The following CHCHD3 variants were observed in gnomAD, a reference collection of about 807,000 sequenced individuals.
CHCHD3 encodes coiled-coil-helix-coiled-coil-helix domain containing 3.
A neutral mutation model predicts 38.2 loss-of-function variants in CHCHD3; 20 were observed. The ratio of observed to expected loss-of-function variants is 0.52; its 90% CI spans 0.37 to 0.76. The LOEUF is 0.76. Among genes scored for constraint, CHCHD3 ranks in the 30% least tolerant of loss-of-function variants. The pLI is 0.00. For synonymous variants in CHCHD3, 82 were observed against 100.0 expected (o/e 0.82, Z 1.07); for missense variants, 245 against 279.2 (o/e 0.88, Z 0.87).
intron 6 of CHCHD3, among the ~76,000 whole-genome samples, chr7:132,811,457 A>G (rs895420823): frequency 2.0e-5 from 3 of 152,248 alleles, no homozygotes; most frequent in African/African-American, 7.2e-5. Context: ...AATACATTTA[A>G]ACAGTCATAA....
At chr7:133,029,362 C>T (rs1269904606) in intron 2 of CHCHD3, among the ~76,000 whole-genome samples, 2 of 152,144 alleles carry the variant, frequency 1.3e-5, no homozygotes, top group African/African-American at 4.8e-5. Flanking sequence ...CATCTTATAA[C>T]TGAAAGCTTG....
intron 1 of CHCHD3, among the ~76,000 whole-genome samples, chr7:133,080,829 AG>A (rs1433189664): frequency 6.6e-6 from 1 of 152,224 alleles, no homozygotes; most frequent in Admixed American, 6.5e-5. Context: ...ATATTTAAGA[AG>A]TTTTATTTCC....
intron 7 of CHCHD3, among the ~76,000 whole-genome samples, chr7:132,790,101 T>C (rs1806420402): frequency 6.6e-6 from 1 of 152,240 alleles, no homozygotes; most frequent in African/African-American, 2.4e-5. Flanking sequence ...GTTTTCAATA[T>C]GTGTCTATTC....
chr7:132,793,298 T>C (rs542868439), intron 7 of CHCHD3, among the ~76,000 whole-genome samples: 21 of 152,274 alleles, frequency 1.4e-4, no homozygotes, highest in Admixed American at 1.4e-3. Flanking sequence ...CTTGAGAAAG[T>C]TATGAGGCTA....
At chr7:133,019,489 ATACTC>A in intron 3 of CHCHD3, among the ~76,000 whole-genome samples, 1 of 152,196 alleles carries the variant, frequency 6.6e-6, no homozygotes, top group East Asian at 1.9e-4. Context: ...GGACTACACT[ATACTC>A]TAACACAGAT....
intron 4 of CHCHD3, among the ~76,000 whole-genome samples, chr7:132,904,616 A>G (rs1268268240): frequency 1.3e-5 from 2 of 152,200 alleles, no homozygotes; most frequent in Admixed American, 1.3e-4. Context: ...GATGTGGAGA[A>G]ATAGGAACAC....
At chr7:133,061,900 T>G (rs1368170897) in intron 2 of CHCHD3, among the ~76,000 whole-genome samples, 2 of 152,240 alleles carry the variant, frequency 1.3e-5, no homozygotes, top group Non-Finnish European at 2.9e-5. Flanking sequence ...TCAAGTACAG[T>G]GACAGCTGTC....
intron 2 of CHCHD3, among the ~76,000 whole-genome samples, chr7:133,049,949 T>C (rs921202663): frequency 1.3e-5 from 2 of 152,208 alleles, no homozygotes; most frequent in African/African-American, 4.8e-5. Flanking sequence ...TTTATTCGTC[T>C]CTGATACCGA....
chr7:132,966,550 C>T (rs1338468489), intron 4 of CHCHD3, among the ~76,000 whole-genome samples: 1 of 152,170 alleles, frequency 6.6e-6, no homozygotes, highest in Non-Finnish European at 1.5e-5. Context: ...CGTCATTGCA[C>T]ATGGTATATC....
chr7:132,974,084 T>C, intron 4 of CHCHD3: 1 of 1,201,650 alleles, frequency 8.3e-7, no homozygotes, highest in Non-Finnish European at 1.1e-6. Flanking sequence ...AGGCAGAACA[T>C]TATTCAGCCA....
intron 2 of CHCHD3, chr7:133,052,058 T>C (rs1211558542): frequency 6.6e-6 from 1 of 152,196 alleles, no homozygotes; most frequent in Non-Finnish European, 1.5e-5. Context: ...ACCATGCCAA[T>C]TTAGTCTCTA....
At chr7:132,890,709 T>A (rs1418331650) in intron 4 of CHCHD3, among the ~76,000 whole-genome samples, 1 of 152,166 alleles carries the variant, frequency 6.6e-6, no homozygotes, top group South Asian at 2.1e-4. Flanking sequence ...GATAAGACTA[T>A]GAAGCCAGAG....
intron 3 of CHCHD3, among the ~76,000 whole-genome samples, chr7:132,994,277 G>A (rs1054797991): frequency 6.6e-6 from 1 of 152,064 alleles, no homozygotes; most frequent in African/African-American, 2.4e-5. Context: ...AGAACAACAT[G>A]GTCCAGTTTT....
intron 4 of CHCHD3, among the ~76,000 whole-genome samples, chr7:132,904,732 C>T (rs1231620599): frequency 1.3e-5 from 2 of 152,196 alleles, no homozygotes; most frequent in African/African-American, 2.4e-5. Context: ...CCATCCATCC[C>T]ATTCCTGGGT....
chr7:133,081,203 C>G (rs1584693822), intron 1 of CHCHD3, among the ~76,000 whole-genome samples: 1 of 152,236 alleles, frequency 6.6e-6, no homozygotes, highest in Non-Finnish European at 1.5e-5. Context: ...CTGGCAGACA[C>G]TAGTCCTGAA....
rs35863843 is a variant in CHCHD3 at position 133,013,206 on chromosome 7, A to AAAAAAG, written c.251+11339_251+11340insCTTTTT. 7.8e-3 allele frequency among the ~76,000 whole-genome samples: 846 copies of AAAAAAG among 108,656 alleles called. 54 individuals carry two copies. Among genetic ancestry groups the AAAAAAG allele is most frequent in the Middle Eastern group, 0.029 (4 of 136 alleles). 71.3% of individuals were successfully genotyped at this position (108,656 alleles called of 152,430 possible). Reference sequence around the variant, plus strand: ...GCCTCAAAAAAAAAAAAAAAAAAAAACATTCAGACAGACATATAATAGGTA... The same window carrying AAAAAAG: ...GCCTCAAAAAAAAAAAAAAAAAAAAAAAAAAGCATTCAGACAGACATATAATAGGTA... On this transcript the variant is annotated intron_variant, in intron 3 of 7. Transcript: ENST00000262570.
chr7:133,010,411 A>C (rs1052264753), intron 3 of CHCHD3, among the ~76,000 whole-genome samples: 1 of 152,152 alleles, frequency 6.6e-6, no homozygotes, highest in East Asian at 1.9e-4. Flanking sequence ...ACAATCATTA[A>C]ATGGCAGTTG....
intron 4 of CHCHD3, among the ~76,000 whole-genome samples, chr7:132,909,926 G>C (rs1300090747): frequency 1.3e-5 from 2 of 152,160 alleles, no homozygotes; most frequent in African/African-American, 4.8e-5. Context: ...CTTAGAGGCT[G>C]GAGTAAGAAT....
chr7:133,043,111 G>A (rs1034090338), intron 2 of CHCHD3, among the ~76,000 whole-genome samples: 5 of 152,102 alleles, frequency 3.3e-5, no homozygotes, highest in East Asian at 1.9e-4. Context: ...CAAGCAACCC[G>A]CCTGCCTCAG....
Sources: gnomAD v4.1 joint callset for allele counts (sites outside exome capture counted in the v4.1 genomes callset) on GRCh38, gnomAD v4.1.1 for gene constraint, MANE v1.5 for transcripts, NCBI Gene and HGNC (gene_info 2026-07-23, HGNC 2026-07-21) for gene names.